RNF6: variants seen among roughly 807,000 people sequenced by gnomAD.
RNF6 encodes E3 ubiquitin-protein ligase RNF6.
A neutral mutation model predicts 50.1 loss-of-function variants in RNF6; 21 were observed. The ratio of observed to expected loss-of-function variants is 0.42; its 90% CI spans 0.30 to 0.60. The LOEUF is 0.60. Ranked by LOEUF, RNF6 falls within the 20% of genes least tolerant of loss-of-function variation. The probability of loss-of-function intolerance (pLI) is 0.20; values close to 1 mark genes in which losing one functional copy is unlikely to be tolerated. For synonymous variants in RNF6, 255 were observed against 291.8 expected (o/e 0.87, Z 1.29); for missense variants, 698 against 838.2 (o/e 0.83, Z 2.07).
chr13:26,203,943 A>G (rs1036833090), intron 5 of RNF6, among the ~76,000 whole-genome samples: 9 of 151,654 alleles, frequency 5.9e-5, no homozygotes, highest in Non-Finnish European at 1.3e-4. Flanking sequence ...ACAGAGCGAG[A>G]CTCGGTCTCA....
Position 26,215,062 on chromosome 13 carries a change from G to A in RNF6, c.820C>T (p.Arg274Trp), listed in dbSNP as rs773110541. The change falls in exon 5 of 5, where the codon CGG becomes TGG. Residue 274 changes from arginine to tryptophan, a missense_variant. Physicochemically the swap from Arg to Trp is moderately radical, Grantham distance 101. Transcript: ENST00000381588. Reference protein sequence around the residue: ...GSELRQREGQRFGAAHVWENG... With the variant: ...GSELRQREGQWFGAAHVWENG... ...TCCCAAACATGTGCTGCTCCAAACC[G>A]TTGCCCCTCCCTTTGCCTGAGTTCA... The A allele has an allele frequency of 1.5e-5, 25 of 1,614,138 alleles. No homozygotes were observed. The highest frequency in any genetic ancestry group is 1.9e-5 in the Non-Finnish European group (22 of 1,180,024).
At chr13:26,184,014 ATATATTTTTTTTTTTT>A (rs1175229923) in intron 5 of RNF6, among the ~76,000 whole-genome samples, 99 of 58,000 alleles carry the variant, frequency 1.7e-3, no homozygotes, top group South Asian at 7.2e-3. Context: ...ATATATATAT[ATATATTTTTTTTTTTT>A]TTTTTTTTTT....
chr13:26,151,571 T>C (rs7992921), intron 5 of RNF6, among the ~76,000 whole-genome samples: 151,042 of 151,904 alleles, frequency 0.99, 75,099 homozygotes, highest in Middle Eastern at 1. Flanking sequence ...CCCAGATGGT[T>C]TGATATCCTG....
intron 5 of RNF6, among the ~76,000 whole-genome samples, chr13:26,183,884 GT>G (rs67656503): frequency 0.085 from 7,296 of 85,958 alleles, 223 homozygotes; most frequent in South Asian, 0.15. Context: ...TAAAATATAG[GT>G]TTTTTTATAC....
chr13:26,169,757 A>G (rs1029192731), intron 5 of RNF6, among the ~76,000 whole-genome samples: 2 of 152,088 alleles, frequency 1.3e-5, no homozygotes, highest in Non-Finnish European at 2.9e-5. Flanking sequence ...TTCTAAAATT[A>G]CCTCCTGTCA....
rs1593172218 is a variant in RNF6, at chr13:26,182,763, C to T, written n.768+32711G>A. Among the ~76,000 whole-genome samples, 4 of 152,240 alleles carry T rather than the reference C, an allele frequency of 2.6e-5. No homozygotes were observed. In the Middle Eastern group the frequency reaches 0.014, roughly 518 times the overall value. ...AAGGCCACAATGAGCCATGATCATG[C>T]CACTGCAGGCCAATTTGGGTAACAG... On this transcript the variant is annotated intron_variant and non_coding_transcript_variant, in intron 5 of 5. Transcript: ENST00000468480.
rs1808849105 is a variant in RNF6 at position 26,213,840 on chromosome 13, A to AT, written c.2041dup (p.Ile681AsnfsTer8). 6.2e-7 allele frequency: 1 copy of AT among 1,610,326 alleles called. No homozygotes were observed. Among genetic ancestry groups the AT allele is most frequent in the African/African-American group, 1.3e-5 (1 of 74,890 alleles). On this transcript the variant is annotated frameshift_variant, in exon 5 of 5. Transcript: ENST00000381588. LOFTEE classifies it high-confidence loss of function. ...CCCATCACCTTACCCATTGTTTGCT[A>AT]TGTTAGACCCTAAAACAGGCTGCCG...
intron 5 of RNF6, among the ~76,000 whole-genome samples, chr13:26,182,088 G>A (rs1873269806): frequency 6.6e-6 from 1 of 152,110 alleles, no homozygotes; most frequent in Non-Finnish European, 1.5e-5. Context: ...TAATTTAATT[G>A]AAAACACGTA....
At chr13:26,180,458 C>A (rs1566423347) in intron 5 of RNF6, among the ~76,000 whole-genome samples, 1 of 152,140 alleles carries the variant, frequency 6.6e-6, no homozygotes, top group African/African-American at 2.4e-5. Flanking sequence ...GCCCAGGAGA[C>A]CCCTCAAAGG....
chr13:26,210,853 G>C (rs301048), downstream of RNF6, among the ~76,000 whole-genome samples: 26,106 of 152,120 alleles, frequency 0.17, 2,349 homozygotes, highest in African/African-American at 0.18. Context: ...TTAAGTAAGG[G>C]TCATAATGCT....
intron 5 of RNF6, among the ~76,000 whole-genome samples, chr13:26,136,807 T>C (rs574543973): frequency 4.6e-5 from 7 of 152,212 alleles, no homozygotes; most frequent in African/African-American, 1.7e-4. Context: ...AAAATCCCTT[T>C]CCTCTATAAA....
chr13:26,168,453 T>A (rs779662550), intron 5 of RNF6, among the ~76,000 whole-genome samples: 3 of 152,226 alleles, frequency 2.0e-5, no homozygotes, highest in African/African-American at 4.8e-5. Flanking sequence ...TTGGTCCATA[T>A]GAAGTGTCGT....
At chr13:26,179,900 G>T (rs1271130380) in intron 5 of RNF6, among the ~76,000 whole-genome samples, 1 of 152,216 alleles carries the variant, frequency 6.6e-6, no homozygotes, top group East Asian at 1.9e-4. Context: ...CTGAAGCAGA[G>T]TCTAGTCCAG....
rs1038069861 is a variant in RNF6, at chr13:26,218,388, T to G, written c.289+123A>C. The G allele has an allele frequency of 1.6e-5, 11 of 697,340 alleles. No homozygotes were observed. The African/African-American group carries it at 1.8e-4, about 11-fold the overall frequency. 43.2% of individuals were successfully genotyped at this position (697,340 alleles called of 1,614,324 possible). A position where few individuals can be genotyped will look rare whatever the true frequency, so the allele number is the denominator to read the frequency against. ...CTTTACTACTCATATATATATTATCTGAATGAGTATCACATTAAAACTGGA... is the reference window on the plus strand; with the variant it reads ...CTTTACTACTCATATATATATTATCGGAATGAGTATCACATTAAAACTGGA... On this transcript the variant is annotated intron_variant, in intron 4 of 4. Transcript: ENST00000381588.
intron 5 of RNF6, among the ~76,000 whole-genome samples, chr13:26,183,189 G>A (rs1417955306): frequency 6.6e-6 from 1 of 152,134 alleles, no homozygotes; most frequent in Non-Finnish European, 1.5e-5. Context: ...AAGTATTTGA[G>A]GCTTAAAAAT....
chr13:26,150,732 A>G (rs1871547244), intron 5 of RNF6: 1 of 152,346 alleles, frequency 6.6e-6, no homozygotes, highest in East Asian at 1.9e-4. Context: ...AACTGCTTGA[A>G]AAAAAATCAA....
At chr13:26,168,630 A>C (rs1284125379) in intron 5 of RNF6, among the ~76,000 whole-genome samples, 1 of 152,204 alleles carries the variant, frequency 6.6e-6, no homozygotes, top group East Asian at 1.9e-4. Context: ...TAGCCAGCTC[A>C]TCCTCTCCTT....
intron 5 of RNF6, among the ~76,000 whole-genome samples, chr13:26,155,211 GTA>G (rs1871850415): frequency 6.6e-6 from 1 of 152,166 alleles, no homozygotes; most frequent in African/African-American, 2.4e-5. Flanking sequence ...GAAGGCTGCA[GTA>G]AGCTACGATC....
chr13:26,178,006 T>C (rs945957507), intron 5 of RNF6, among the ~76,000 whole-genome samples: 4 of 152,060 alleles, frequency 2.6e-5, no homozygotes, highest in African/African-American at 9.7e-5. Context: ...GCCAACATGG[T>C]GAAACCCCAT....
Sources: gnomAD v4.1 joint callset for allele counts (sites outside exome capture counted in the v4.1 genomes callset) on GRCh38, gnomAD v4.1.1 for gene constraint, MANE v1.5 for transcripts, NCBI Gene and HGNC (gene_info 2026-07-23, HGNC 2026-07-21) for gene names.